The following SP3 variants were observed in gnomAD, a reference collection of about 807,000 sequenced individuals.
SP3 encodes Sp3 transcription factor.
SP3 carries 10 observed loss-of-function variants against 70.3 expected under a neutral mutation model. The ratio of observed to expected loss-of-function variants is 0.14; its 90% confidence interval spans 0.09 to 0.24. The LOEUF (loss-of-function observed/expected upper bound fraction) is 0.24. Ranked by LOEUF, SP3 falls within the 10% of genes least tolerant of loss-of-function variation. The pLI is 1.00. For missense variants in SP3, 825 were observed against 914.6 expected (o/e 0.90, Z 1.26); for synonymous variants, 402 against 333.5 (o/e 1.21, Z -2.24).
At chr2:173,960,951 G>C (rs762119542) in intron 3 of SP3, among the ~76,000 whole-genome samples, 2 of 152,056 alleles carry the variant, frequency 1.3e-5, no homozygotes, top group African/African-American at 2.4e-5. Context: ...ACTCCAGTCT[G>C]GGCGACAGAG....
intron 6 of SP3, 88 bp from the exon 7 acceptor site, chr2:173,910,345 G>A (rs762444552): frequency 4.3e-5 from 47 of 1,097,446 alleles, no homozygotes; most frequent in Middle Eastern, 2.0e-4. Context: ...GTAAGTCAAC[G>A]CTGACAGGTG....
intron 4 of SP3, among the ~76,000 whole-genome samples, chr2:173,948,324 T>C (rs1349772419): frequency 1.3e-5 from 2 of 152,314 alleles, no homozygotes; most frequent in East Asian, 3.9e-4. Flanking sequence ...AGTTTTAAAT[T>C]ACATGCCATT....
intron 4 of SP3, among the ~76,000 whole-genome samples, chr2:173,930,455 C>T (rs1362062601): frequency 6.6e-6 from 1 of 152,164 alleles, no homozygotes; most frequent in Non-Finnish European, 1.5e-5. Flanking sequence ...TCTAATCCTA[C>T]AAATTCCCAA....
At chr2:173,919,268 A>C (rs1324905991) in intron 4 of SP3, among the ~76,000 whole-genome samples, 1 of 152,236 alleles carries the variant, frequency 6.6e-6, no homozygotes, top group Non-Finnish European at 1.5e-5. Flanking sequence ...TTGCCCAAAA[A>C]GTGTTATACC....
intron 3 of SP3, among the ~76,000 whole-genome samples, chr2:173,959,464 G>T (rs188744736): frequency 6.6e-6 from 1 of 152,260 alleles, no homozygotes; most frequent in Admixed American, 6.5e-5. Flanking sequence ...GGTGGCTCAC[G>T]CCTGTAATCC....
At chr2:173,924,524 T>C (rs1689854135) in intron 4 of SP3, among the ~76,000 whole-genome samples, 1 of 152,244 alleles carries the variant, frequency 6.6e-6, no homozygotes, top group Non-Finnish European at 1.5e-5. Flanking sequence ...GATTTACTAC[T>C]TGTAGAGCAC....
rs147397015 is a variant in SP3 at position 173,930,323 on chromosome 2, T to C, written c.1640-11538A>G. The stretch of plus-strand genomic sequence containing the variant: ...AGGCACAGTCGCTCATCCCAGTACT[T>C]TGGGAGGCCAAGGTGGGAGGATTGC... On this transcript the variant is annotated intron_variant, in intron 4 of 6. Transcript: ENST00000310015. Among the ~76,000 whole-genome samples the C allele has an allele frequency of 3.7e-4, 56 of 152,222 alleles. 1 individual carries two copies. In the East Asian group the frequency reaches 0.01, roughly 28 times the overall value.
intron 2 of SP3, chr2:173,964,131 G>A (rs529922384): frequency 2.2e-5 from 8 of 362,970 alleles, no homozygotes; most frequent in Admixed American, 4.7e-5. Context: ...TGCGCGCCGG[G>A]CCTCCGCCTT....
chr2:173,959,363 G>C (rs1244469679), intron 3 of SP3, among the ~76,000 whole-genome samples: 2 of 150,574 alleles, frequency 1.3e-5, no homozygotes, highest in Non-Finnish European at 3.0e-5. Context: ...AAAAAAAAAA[G>C]TTTGAAAAAT....
At chr2:173,929,993 T>A (rs1218462734) in intron 4 of SP3, among the ~76,000 whole-genome samples, 2 of 152,182 alleles carry the variant, frequency 1.3e-5, no homozygotes, top group Admixed American at 6.5e-5. Flanking sequence ...TTACTACTTT[T>A]CTTTGCTTTC....
At chr2:173,927,310 C>G (rs1180521638) in intron 4 of SP3, among the ~76,000 whole-genome samples, 1 of 150,194 alleles carries the variant, frequency 6.7e-6, no homozygotes, top group African/African-American at 2.5e-5. Context: ...GGTTCTCACT[C>G]TGTCGCCCAG....
At chr2:173,920,085 C>G (rs1405442967) in intron 4 of SP3, among the ~76,000 whole-genome samples, 4 of 139,370 alleles carry the variant, frequency 2.9e-5, no homozygotes, top group Non-Finnish European at 5.9e-5. Flanking sequence ...ACAAAAGAAG[C>G]CCCCCCGCAC....
chr2:173,923,381 C>T (rs1689810972), intron 4 of SP3, among the ~76,000 whole-genome samples: 1 of 152,054 alleles, frequency 6.6e-6, no homozygotes, highest in Middle Eastern at 3.2e-3. Context: ...CACCCACACA[C>T]ACAATATGGT....
intron 2 of SP3, 193 bp downstream of exon 2, chr2:173,964,212 G>GGGCGA (rs1456197367): frequency 1.3e-4 from 62 of 470,936 alleles, no homozygotes; most frequent in Admixed American, 9.8e-4. Context: ...GGCGGCAGGC[G>GGGCGA]GGCGAGGCGG....
chr2:173,932,685 C>A (rs1690099321), intron 4 of SP3, among the ~76,000 whole-genome samples: 1 of 152,038 alleles, frequency 6.6e-6, no homozygotes, highest in Non-Finnish European at 1.5e-5. Context: ...TTACGGATCA[C>A]TGTTAAGAAG....
intron 6 of SP3, among the ~76,000 whole-genome samples, chr2:173,911,905 G>C (rs192636843): frequency 7.8e-6 from 1 of 128,956 alleles, no homozygotes; most frequent in African/African-American, 3.0e-5. Flanking sequence ...TGCAACCGCC[G>C]CCCCATGGGC....
At chr2:173,940,258 C>T (rs1690331625) in intron 4 of SP3, among the ~76,000 whole-genome samples, 1 of 152,170 alleles carries the variant, frequency 6.6e-6, no homozygotes, top group Non-Finnish European at 1.5e-5. Flanking sequence ...AATTTTACTG[C>T]TGACAAGGGA....
intron 6 of SP3, among the ~76,000 whole-genome samples, chr2:173,911,756 T>TATC (rs1013908022): frequency 2.6e-5 from 4 of 151,884 alleles, no homozygotes; most frequent in Non-Finnish European, 4.4e-5. Context: ...AAGCAGTAAT[T>TATC]ATCTCTGTTT....
At chr2:173,943,008 A>G (rs1690420223) in intron 4 of SP3, among the ~76,000 whole-genome samples, 1 of 152,182 alleles carries the variant, frequency 6.6e-6, no homozygotes, top group African/African-American at 2.4e-5. Context: ...CAAATACTAC[A>G]AGAGACTAGA....
Sources: allele counts gnomAD v4.1 joint callset (sites outside exome capture counted in the v4.1 genomes callset), GRCh38; gene constraint gnomAD v4.1.1; transcripts MANE v1.5; gene names NCBI Gene and HGNC (gene_info 2026-07-23, HGNC 2026-07-21).